LSAMP: variants seen among roughly 807,000 people sequenced by gnomAD.
LSAMP encodes the protein limbic system-associated membrane protein.
Under a neutral mutation model 38.6 loss-of-function variants are expected in LSAMP, and 7 were observed. The ratio of observed to expected loss-of-function variants is 0.18; its 90% confidence interval spans 0.10 to 0.34. LSAMP has a LOEUF of 0.34. LSAMP is among the 10% of genes least tolerant of loss of function. LSAMP has a pLI of 1.00. For synonymous variants in LSAMP, 154 were observed against 166.8 expected, an observed-to-expected ratio of 0.92 and a Z score of 0.59; for missense variants, 313 against 420.0, an observed-to-expected ratio of 0.75 and a Z score of 2.23.
At chr3:115,940,504 C>T (rs1043770538) in intron 3 of LSAMP, among the ~76,000 whole-genome samples, 10 of 152,182 alleles carry the variant, frequency 6.6e-5, no homozygotes, top group African/African-American at 1.4e-4. Context: ...AGTCCCCACC[C>T]GACCCAGAAG....
At chr3:116,112,103 C>T (rs1559747358) in intron 1 of LSAMP, among the ~76,000 whole-genome samples, 1 of 152,190 alleles carries the variant, frequency 6.6e-6, no homozygotes, top group Admixed American at 6.5e-5. Context: ...AGCTTCTTAG[C>T]TGAATAACAA....
intron 3 of LSAMP, among the ~76,000 whole-genome samples, chr3:115,971,123 T>C (rs1239227866): frequency 6.6e-6 from 1 of 152,146 alleles, no homozygotes; most frequent in African/African-American, 2.4e-5. Context: ...GCAGCGCATA[T>C]AGGGCTGGAG....
At chr3:115,986,003 G>A (rs1402474024) in intron 3 of LSAMP, among the ~76,000 whole-genome samples, 1 of 152,152 alleles carries the variant, frequency 6.6e-6, no homozygotes, top group African/African-American at 2.4e-5. Flanking sequence ...GAATACAACT[G>A]CTTTTGGAAG....
intron 1 of LSAMP, among the ~76,000 whole-genome samples, chr3:116,406,798 A>G (rs562918368): frequency 6.6e-6 from 1 of 152,182 alleles, no homozygotes; most frequent in South Asian, 2.1e-4. Context: ...AACAAAATAA[A>G]GAGAGTAACA....
intron 1 of LSAMP, among the ~76,000 whole-genome samples, chr3:116,348,855 A>G (rs2048098890): frequency 6.6e-6 from 1 of 152,170 alleles, no homozygotes; most frequent in African/African-American, 2.4e-5. Context: ...AGTTGGTGAC[A>G]AAATTAATAT....
Position 116,145,816 on chromosome 3 carries a change from A to G in LSAMP, c.156-59260T>C, listed in dbSNP as rs146890500. Among the ~76,000 whole-genome samples, 943 of 152,008 alleles carry G rather than the reference A, an allele frequency of 6.2e-3. 8 individuals are homozygous for G. Among genetic ancestry groups the G allele is most frequent in the African/African-American group, 0.021 (874 of 41,526 alleles). The stretch of plus-strand genomic sequence containing the variant: ...CTTTCGCAGATACAACTTCCAGTTT[A>G]TTAATTTTACTTTCAGCTGTGTCTA... On this transcript the variant is annotated intron_variant, in intron 1 of 6. Coordinates refer to ENST00000490035, the MANE Select transcript of LSAMP (RefSeq NM_002338.5).
chr3:115,859,077 G>A (rs1196689083), intron 3 of LSAMP, among the ~76,000 whole-genome samples: 2 of 152,202 alleles, frequency 1.3e-5, no homozygotes, highest in East Asian at 1.9e-4. Flanking sequence ...GGTTCTGTTT[G>A]TATTTCCAGC....
chr3:116,082,611 G>T (rs771964514), intron 2 of LSAMP, among the ~76,000 whole-genome samples: 4 of 152,050 alleles, frequency 2.6e-5, no homozygotes, highest in African/African-American at 4.8e-5. Context: ...GCACTGTTCA[G>T]AATAGCAAAA....
At chr3:116,023,164 G>GTC (rs1559924147) in intron 2 of LSAMP, among the ~76,000 whole-genome samples, 1 of 145,724 alleles carries the variant, frequency 6.9e-6, no homozygotes, top group African/African-American at 2.5e-5. Context: ...ATATGTGTGT[G>GTC]TGTCTCTCTC....
intron 3 of LSAMP, among the ~76,000 whole-genome samples, chr3:115,889,042 G>A (rs902777235): frequency 6.6e-6 from 1 of 151,822 alleles, no homozygotes; most frequent in Non-Finnish European, 1.5e-5. Flanking sequence ...CCTTGTTTAC[G>A]CCATCTGTTG....
intron 3 of LSAMP, among the ~76,000 whole-genome samples, chr3:115,933,126 G>A (rs939577635): frequency 2.0e-5 from 3 of 152,202 alleles, no homozygotes; most frequent in African/African-American, 4.8e-5. Context: ...CACTCGACAA[G>A]TATGGAGAGA....
intron 1 of LSAMP, among the ~76,000 whole-genome samples, chr3:116,177,998 G>A (rs1001662025): frequency 6.6e-6 from 1 of 152,132 alleles, no homozygotes; most frequent in South Asian, 2.1e-4. Flanking sequence ...GAAAAGAGGA[G>A]CTTAGAGCTT....
intron 1 of LSAMP, among the ~76,000 whole-genome samples, chr3:116,284,478 T>A (rs978675045): frequency 6.6e-6 from 1 of 152,218 alleles, no homozygotes; most frequent in Non-Finnish European, 1.5e-5. Context: ...TGCATGATTC[T>A]GGTTTAACAA....
intron 2 of LSAMP, among the ~76,000 whole-genome samples, chr3:116,044,872 C>T (rs541606845): frequency 3.2e-4 from 48 of 152,256 alleles, no homozygotes; most frequent in African/African-American, 1.1e-3. Context: ...TCTCCACTTC[C>T]TCCAGCAGTG....
rs554568030 is a variant in LSAMP, at chr3:116,059,461, T to C, written c.388+26863A>G. ...GAAGATATCTAGCTCCTGAAAATTC[T>C]GAAGATGAAATAATTATCACCTTCG... On this transcript the variant is annotated intron_variant, in intron 2 of 6. Coordinates refer to ENST00000490035, the MANE Select transcript of LSAMP (RefSeq NM_002338.5). 5.9e-5 allele frequency among the ~76,000 whole-genome samples: 9 copies of C among 152,348 alleles called. No homozygotes were observed. The East Asian group carries it at 1.5e-3, about 26-fold the overall frequency.
intron 1 of LSAMP, among the ~76,000 whole-genome samples, chr3:116,148,963 C>A (rs1452864429): frequency 6.6e-6 from 1 of 151,982 alleles, no homozygotes; most frequent in Non-Finnish European, 1.5e-5. Flanking sequence ...TAATAGGAGG[C>A]CCACTGCTAT....
In LSAMP at chr3:116,186,018, A is replaced by G. The variant is rs181621604; in HGVS notation, c.156-99462T>C. On this transcript the variant is annotated intron_variant, in intron 1 of 6. Coordinates refer to ENST00000490035, the MANE Select transcript of LSAMP (RefSeq NM_002338.5). ...TAAAAAAATGTAAGCTGATTTTTTT[A>G]ATGCTAGGTACTTTTATCTTTGTAG... 1.7e-4 allele frequency among the ~76,000 whole-genome samples: 26 copies of G among 150,702 alleles called. No homozygotes were observed. In the East Asian group the frequency reaches 1.7e-3, roughly 10 times the overall value.
At position 115,810,233 on chromosome 3, in the gene LSAMP, C is replaced by T; in HGVS notation, c.*84G>A. 1 of 948,450 alleles carries T rather than the reference C, an allele frequency of 1.1e-6. No homozygotes were observed. Among genetic ancestry groups the T allele is most frequent in the Non-Finnish European group, 1.6e-6 (1 of 630,766 alleles). 58.8% of individuals were successfully genotyped at this position (948,450 alleles called of 1,614,324 possible). On this transcript the variant is annotated 3_prime_UTR_variant, in exon 7 of 7. Coordinates refer to ENST00000490035, the MANE Select transcript of LSAMP (RefSeq NM_002338.5). ...AACGGTCTCCCCCATCTCTCTCTCT[C>T]TCTCTCTCTCTGTCTCTCTCTCTCT...
chr3:116,100,186 A>G (rs1708314806), intron 1 of LSAMP, among the ~76,000 whole-genome samples: 1 of 151,680 alleles, frequency 6.6e-6, no homozygotes, highest in African/African-American at 2.4e-5. Flanking sequence ...GGTTCAAGCA[A>G]TCCTCCCAGC....
Sources: allele counts gnomAD v4.1 joint callset (sites outside exome capture counted in the v4.1 genomes callset), GRCh38; gene constraint gnomAD v4.1.1; transcripts MANE v1.5; gene names NCBI Gene and HGNC (gene_info 2026-07-23, HGNC 2026-07-21).